ZW10: variants seen among roughly 807,000 people sequenced by gnomAD.
The protein encoded by ZW10 is zw10 kinetochore protein, also known as centromere/kinetochore protein zw10 homolog.
A neutral mutation model predicts 87.8 loss-of-function variants in ZW10; 53 were observed. The observed-to-expected ratio is 0.60, with a 90% CI of 0.48 to 0.76. ZW10 has a LOEUF of 0.76. Among genes scored for constraint, ZW10 ranks in the 30% least tolerant of loss-of-function variants. The pLI, the probability that ZW10 is intolerant of heterozygous loss-of-function variation, is 0.00. For synonymous variants in ZW10, 312 were observed against 329.2 expected, an observed-to-expected ratio of 0.95 and a Z score of 0.57; for missense variants, 837 against 923.0, an observed-to-expected ratio of 0.91 and a Z score of 1.21.
chr11:113,753,296 G>T (rs776212885), intron 7 of ZW10, among the ~76,000 whole-genome samples: 3 of 152,166 alleles, frequency 2.0e-5, no homozygotes, highest in Non-Finnish European at 4.4e-5. Context: ...CTGTTCCTGA[G>T]TTGGTTGGAA....
intron 14 of ZW10, among the ~76,000 whole-genome samples, chr11:113,737,107 G>A (rs2134864864): frequency 6.6e-6 from 1 of 152,330 alleles, no homozygotes. Flanking sequence ...AGCAGGGGAT[G>A]TGATTACAAA....
rs774379130 is a variant in ZW10 at position 113,758,585 on chromosome 11, A to G, written c.702T>C (p.Leu234=). The change falls in exon 6 of 16, where the codon CTT becomes CTC. Residue 234 remains leucine (L), a synonymous_variant. Transcript: ENST00000200135. ...ISSVLLAFSV[L]GELHSKLKSF... is the part of the protein sequence containing the mutation. ...ATTTAAGCTTGCTGTGTAGTTCTCC[A>G]AGAACAGAAAATGCCAAGAGGACAG... is the stretch of plus-strand genomic sequence containing the variant. The G allele has an allele frequency of 3.8e-5, 62 of 1,613,866 alleles. No homozygotes were observed. The South Asian group carries it at 6.5e-4, about 17-fold the overall frequency.
In ZW10 at chr11:113,737,609, G is replaced by A. The variant is rs1169078243; in HGVS notation, c.1979C>T (p.Ala660Val). 6.2e-7 allele frequency: 1 copy of A among 1,613,052 alleles called. No individual in the cohort carries two copies. The highest frequency in any genetic ancestry group is 8.5e-7 in the Non-Finnish European group (1 of 1,179,288). The change falls in exon 14 of 16, where the codon GCA becomes GTA. Residue 660 changes from alanine to valine, a missense_variant. Coordinates refer to ENST00000200135, the MANE Select transcript of ZW10 (RefSeq NM_004724.4). ...AATTTTGCCAATGACCTCAGAAATT[G>A]CTGTATTGAGTAAAGTCCCCATAGC... is the stretch of plus-strand genomic sequence containing the variant. ...CKAMGTLLNTAISEVIGKITA... is the reference protein window; with the variant it reads ...CKAMGTLLNTVISEVIGKITA...
chr11:113,739,501 T>G, intron 11 of ZW10, 119 bp from the exon 12 acceptor site: 1 of 877,370 alleles, frequency 1.1e-6, no homozygotes, highest in South Asian at 2.0e-5. Flanking sequence ...AGTTTCTAAA[T>G]GCTATACATA....
At chr11:113,765,832 AGCCTTG>A (rs1485366223) in intron 2 of ZW10, among the ~76,000 whole-genome samples, 1 of 152,208 alleles carries the variant, frequency 6.6e-6, no homozygotes, top group African/African-American at 2.4e-5. Context: ...TATAGTAAAC[AGCCTTG>A]GAAGACAGAG....
rs112352930 is a variant in ZW10, at chr11:113,747,561, T to C, written c.1242A>G (p.Leu414=). The part of the protein sequence containing the change: ...CQDVIVAARN[L]MTSEIHNTVK... Reference sequence around the variant, plus strand: ...CAGTGTTATGAATTTCTGAGGTCATTAGATTTCTGGCTGCCACAATCACAT... The same window carrying C: ...CAGTGTTATGAATTTCTGAGGTCATCAGATTTCTGGCTGCCACAATCACAT... Residue 414 remains leucine, a synonymous_variant, in exon 9 of 16, where the codon CTA becomes CTG. Coordinates refer to ENST00000200135, the MANE Select transcript of ZW10 (RefSeq NM_004724.4). 12 of 1,613,504 alleles carry C rather than the reference T, an allele frequency of 7.4e-6. No homozygotes were observed. Among genetic ancestry groups the C allele is most frequent in the Middle Eastern group, 3.3e-4 (2 of 6,056 alleles).
At chr11:113,761,639 CTT>C (rs1379202226) in intron 2 of ZW10, among the ~76,000 whole-genome samples, 2 of 152,150 alleles carry the variant, frequency 1.3e-5, no homozygotes, top group Non-Finnish European at 2.9e-5. Flanking sequence ...TTATCAATGA[CTT>C]TACATGATCA....
Position 113,733,355 on chromosome 11 carries a change from G to A in ZW10, c.*339C>T, listed in dbSNP as rs149517790. ...GACTCCTGGAATCTCCCAATTCCTC[G>A]TTCCAAAGCTAGGGCCTGCATTTAC... On this transcript the variant is annotated 3_prime_UTR_variant, in exon 16 of 16. Coordinates refer to ENST00000200135, the MANE Select transcript of ZW10 (RefSeq NM_004724.4). 2.0e-3 allele frequency: 384 copies of A among 190,036 alleles called. 4 individuals are homozygous for A. The highest frequency in any genetic ancestry group is 8.2e-3 in the African/African-American group (349 of 42,526). 11.8% of individuals were successfully genotyped at this position (190,036 alleles called of 1,614,324 possible). A position where few individuals can be genotyped will look rare whatever the true frequency, so the allele number is the denominator to read the frequency against.
intron 10 of ZW10, 22 bp downstream of exon 10, chr11:113,743,780 T>G (rs1225221537): frequency 6.3e-7 from 1 of 1,590,168 alleles, no homozygotes; most frequent in East Asian, 2.2e-5. Flanking sequence ...ATTGCCATTT[T>G]CACACAACCC....
At chr11:113,744,916 T>C (rs1324194044) in intron 9 of ZW10, among the ~76,000 whole-genome samples, 1 of 152,108 alleles carries the variant, frequency 6.6e-6, no homozygotes, top group African/African-American at 2.4e-5. Flanking sequence ...AGATTTCAGC[T>C]AAATAAAAAG....
rs775713406 is a variant in ZW10, at chr11:113,748,375, A to G, written c.971T>C (p.Val324Ala). 1 of 1,611,174 alleles carries G rather than the reference A, an allele frequency of 6.2e-7. No homozygotes were observed. The change falls in exon 8 of 16, where the codon GTC (valine) becomes GCC (alanine). Residue 324 changes from valine (V) to alanine (A), a missense_variant. Transcript: ENST00000200135. Reference protein sequence around the residue: ...TDLENEKTSTVPLAEMLGDMI... With the variant: ...TDLENEKTSTAPLAEMLGDMI... ...GTCTCCAAGCATCTCAGCCAATGGG[A>G]CAGTAGATGTTTTTTCATTTTCCAG...
chr11:113,739,561 T>G (rs1397929351), intron 11 of ZW10, among the ~76,000 whole-genome samples, 179 bp from the exon 12 acceptor site: 6 of 152,244 alleles, frequency 3.9e-5, no homozygotes, highest in Non-Finnish European at 5.9e-5. Flanking sequence ...CTGTTCTGCC[T>G]GAATGGGATT....
rs193169431 is a variant in ZW10, at chr11:113,761,797, A to G, written c.241-879T>C. ...TGTTAAAATTTCTCCCATCTTTCAG[A>G]AAAAAATCCCTCCCCCTTACCAACC... On this transcript the variant is annotated intron_variant, in intron 2 of 15. Coordinates refer to ENST00000200135, the MANE Select transcript of ZW10 (RefSeq NM_004724.4). Among the ~76,000 whole-genome samples the G allele has an allele frequency of 4.8e-3, 732 of 152,200 alleles. 17 individuals are homozygous for G. Among genetic ancestry groups the G allele is most frequent in the South Asian group, 0.035 (169 of 4,816 alleles).
intron 7 of ZW10, among the ~76,000 whole-genome samples, chr11:113,750,635 A>G (rs1953724903): frequency 6.6e-6 from 1 of 152,140 alleles, no homozygotes; most frequent in Non-Finnish European, 1.5e-5. Context: ...TAAAGTGAAC[A>G]ATATTAAGGG....
At chr11:113,759,714 T>C (rs1365022319) in intron 5 of ZW10, among the ~76,000 whole-genome samples, 1 of 152,130 alleles carries the variant, frequency 6.6e-6, no homozygotes, top group Non-Finnish European at 1.5e-5. Context: ...AGCTCATTAT[T>C]TTCCCCAAGG....
chr11:113,742,200 T>G (rs943854978), intron 10 of ZW10, among the ~76,000 whole-genome samples: 1 of 152,204 alleles, frequency 6.6e-6, no homozygotes, highest in African/African-American at 2.4e-5. Context: ...TTTCACCTTT[T>G]CTCCTTCTTA....
intron 3 of ZW10, 28 bp from the exon 4 acceptor site, chr11:113,760,618 C>CTT: frequency 1.3e-6 from 2 of 1,547,930 alleles, no homozygotes; most frequent in Non-Finnish European, 1.8e-6. Flanking sequence ...ATATTTTATA[C>CTT]ATCCTATTAT....
intron 7 of ZW10, among the ~76,000 whole-genome samples, chr11:113,750,069 T>C (rs1212669817): frequency 1.3e-5 from 2 of 152,188 alleles, no homozygotes; most frequent in East Asian, 1.9e-4. Flanking sequence ...ATTTTAATTA[T>C]GATATTATTC....
chr11:113,754,046 G>A (rs959791623), intron 7 of ZW10, among the ~76,000 whole-genome samples: 123 of 150,760 alleles, frequency 8.2e-4, no homozygotes, highest in African/African-American at 2.9e-3. Flanking sequence ...CCTTCTATTG[G>A]AAGAATATGC....
Sources: gnomAD v4.1 joint callset for allele counts (sites outside exome capture counted in the v4.1 genomes callset) on GRCh38, gnomAD v4.1.1 for gene constraint, MANE v1.5 for transcripts, NCBI Gene and HGNC (gene_info 2026-07-23, HGNC 2026-07-21) for gene names.